The following CCNY variants were observed in gnomAD, a reference collection of about 807,000 sequenced individuals.
The protein encoded by CCNY is cyclin Y, also known as cyclin-Y.
CCNY carries 19 observed loss-of-function variants against 42.8 expected under a neutral mutation model. The ratio of observed to expected loss-of-function variants is 0.44; its 90% CI spans 0.31 to 0.65. The LOEUF is 0.65. Among genes scored for constraint, CCNY ranks in the 30% least tolerant of loss-of-function variants. The pLI, the probability that CCNY is intolerant of heterozygous loss-of-function variation, is 0.07. For missense variants in CCNY, 370 were observed against 437.3 expected (o/e 0.85, Z 1.37); for synonymous variants, 165 against 162.7 (o/e 1.01, Z -0.11).
chr10:35,393,176 A>G lies in CCNY; in HGVS notation c.154+55969A>G, dbSNP rs1490685327. 4.6e-5 allele frequency among the ~76,000 whole-genome samples: 7 copies of G among 152,218 alleles called. No homozygotes were observed. In the East Asian group the frequency reaches 1.2e-3, roughly 25 times the overall value. On this transcript the variant is annotated intron_variant, in intron 1 of 9. Coordinates refer to ENST00000374704, the MANE Select transcript of CCNY (RefSeq NM_145012.6). ...CAGTAGTCCTGGGAAAGTCTTCCTC[A>G]CCATTTTAATAAGCGTCAGAGTAAT...
intron 1 of CCNY, among the ~76,000 whole-genome samples, chr10:35,467,575 T>G (rs112135369): frequency 7.5e-4 from 115 of 152,372 alleles, no homozygotes; most frequent in South Asian, 2.9e-3. Context: ...TCTTATATTT[T>G]CTGTGTAGAG....
At chr10:35,335,060 ACCCCCACC>A (rs1477576978), upstream of CCNY, among the ~76,000 whole-genome samples, 1 of 112,472 alleles carries the variant, frequency 8.9e-6, no homozygotes, top group Non-Finnish European at 1.9e-5. Flanking sequence ...CCCAGCTCCC[ACCCCCACC>A]CCCCCACCCC....
intron 3 of CCNY, chr10:35,320,913 G>A (rs1435492256): frequency 6.6e-6 from 1 of 152,170 alleles, no homozygotes; most frequent in Non-Finnish European, 1.5e-5. Flanking sequence ...AGGCTGAGAA[G>A]GGAAGATCAC....
At position 35,337,295 on chromosome 10, in the gene CCNY, C is replaced by T. The variant is rs1490204895; in HGVS notation, c.154+88C>T. 33 of 1,314,248 alleles carry T rather than the reference C, an allele frequency of 2.5e-5. No individual in the cohort carries two copies. The Middle Eastern group carries it at 7.9e-4, about 32-fold the overall frequency. The allele number at this position is 1,314,248 out of a possible 1,614,324, so 81.4% of individuals were successfully genotyped here. ...GGGCGGCCCGGCTGCTCTTGCTTGC[C>T]CAGCCGGTCTCGGCGACCCGTGCAT... is the stretch of plus-strand genomic sequence containing the variant. On this transcript the variant is annotated intron_variant, in intron 1 of 9. Transcript: ENST00000374704.
intron 1 of CCNY, among the ~76,000 whole-genome samples, chr10:35,340,362 A>G (rs1200054233): frequency 1.3e-5 from 2 of 152,146 alleles, no homozygotes; most frequent in African/African-American, 2.4e-5. Context: ...GGATTAGATT[A>G]TTTCTGTGGG....
intron 1 of CCNY, among the ~76,000 whole-genome samples, chr10:35,477,774 G>A (rs894079683): frequency 3.3e-5 from 5 of 152,150 alleles, no homozygotes; most frequent in African/African-American, 1.2e-4. Context: ...CATAGTGTTG[G>A]AAGTTCTGGC....
chr10:35,364,948 T>A (rs1424819253), intron 1 of CCNY, among the ~76,000 whole-genome samples: 1 of 152,238 alleles, frequency 6.6e-6, no homozygotes, highest in African/African-American at 2.4e-5. Flanking sequence ...AAGCTCACCA[T>A]GTATATGCTT....
intron 1 of CCNY, among the ~76,000 whole-genome samples, chr10:35,375,579 A>G (rs1016598590): frequency 6.6e-6 from 1 of 152,172 alleles, no homozygotes; most frequent in Non-Finnish European, 1.5e-5. Context: ...TCTTGTTTGA[A>G]TTTTGTGGGG....
At chr10:35,515,694 T>G (rs1354061630) in intron 3 of CCNY, among the ~76,000 whole-genome samples, 1 of 152,220 alleles carries the variant, frequency 6.6e-6, no homozygotes, top group Non-Finnish European at 1.5e-5. Flanking sequence ...CTAGTTTGCT[T>G]TTGATCAGGA....
intron 3 of CCNY, among the ~76,000 whole-genome samples, chr10:35,308,015 C>T (rs1835634484): frequency 2.0e-5 from 3 of 151,396 alleles, no homozygotes; most frequent in Non-Finnish European, 4.4e-5. Context: ...CGGGGTTTCA[C>T]GATGTTGGGC....
intron 1 of CCNY, among the ~76,000 whole-genome samples, chr10:35,465,790 C>G (rs1482339306): frequency 6.6e-6 from 1 of 152,102 alleles, no homozygotes; most frequent in Non-Finnish European, 1.5e-5. Context: ...GAAATCTCAC[C>G]TGCTCTGTGC....
At chr10:35,428,232 T>C (rs1838311993) in intron 1 of CCNY, among the ~76,000 whole-genome samples, 1 of 152,022 alleles carries the variant, frequency 6.6e-6, no homozygotes, top group Non-Finnish European at 1.5e-5. Context: ...GCCACCCCAA[T>C]GAGTGGCAGG....
rs572377485 is a variant in CCNY, at chr10:35,523,584, G to A, written c.366-2380G>A. Among the ~76,000 whole-genome samples the A allele has an allele frequency of 3.3e-5, 5 of 152,306 alleles. No individual in the cohort carries two copies. In the East Asian group the frequency reaches 9.7e-4, roughly 29 times the overall value. On this transcript the variant is annotated intron_variant, in intron 4 of 9. Coordinates refer to ENST00000374704, the MANE Select transcript of CCNY (RefSeq NM_145012.6). ...CCTACAGAGTGGCTCTACTTTTCCTGGAGGTCTTAAGCCGTGATAATATCC... is the reference window on the plus strand; with the variant it reads ...CCTACAGAGTGGCTCTACTTTTCCTAGAGGTCTTAAGCCGTGATAATATCC...
At chr10:35,342,445 T>TA (rs1836203243) in intron 1 of CCNY, among the ~76,000 whole-genome samples, 1 of 152,190 alleles carries the variant, frequency 6.6e-6, no homozygotes, top group Non-Finnish European at 1.5e-5. Context: ...AAGTGCAGTT[T>TA]AAAGATTTGT....
chr10:35,348,657 A>G (rs1218963417), intron 1 of CCNY, among the ~76,000 whole-genome samples: 2 of 152,220 alleles, frequency 1.3e-5, no homozygotes, highest in East Asian at 3.8e-4. Flanking sequence ...CAGGGCTCTG[A>G]AAGCCCGGCA....
chr10:35,337,136 C>T lies in CCNY; in HGVS notation c.83C>T (p.Pro28Leu). The T allele has an allele frequency of 1.3e-6, 2 of 1,588,480 alleles. No individual in the cohort carries two copies. Among genetic ancestry groups the T allele is most frequent in the Non-Finnish European group, 1.7e-6 (2 of 1,169,598 alleles). ...NAHSRLESYR[P>L]DTDLSREDTG... ...CACTCCCGGCTGGAGTCCTACCGGC[C>T]AGACACGGACCTGAGCCGCGAGGAC... Residue 28 changes from proline to leucine, a missense_variant, in exon 1 of 10, where the codon CCA (proline) becomes CTA (leucine). By Grantham distance (98) the Pro-to-Leu change is moderately conservative. Around this residue, in one of 2 missense-constraint regions of CCNY, gnomAD observed 136 missense variants for 124.2 expected, o/e 1.09. Transcript: ENST00000374704.
chr10:35,315,904 TA>T (rs1193248151), intron 3 of CCNY, among the ~76,000 whole-genome samples: 1 of 152,222 alleles, frequency 6.6e-6, no homozygotes, highest in Non-Finnish European at 1.5e-5. Context: ...TTTCATCTTG[TA>T]AAACTGGAAT....
intron 3 of CCNY, among the ~76,000 whole-genome samples, chr10:35,325,334 A>G (rs776368995): frequency 1.1e-4 from 16 of 152,086 alleles, no homozygotes; most frequent in Admixed American, 2.6e-4. Context: ...GTGCGCCATC[A>G]CACCTGGCTA....
chr10:35,526,958 G>A (rs777990290), intron 5 of CCNY, among the ~76,000 whole-genome samples: 3 of 152,242 alleles, frequency 2.0e-5, no homozygotes, highest in Non-Finnish European at 4.4e-5. Flanking sequence ...CACATGCTAA[G>A]TGCAGAGCTC....
Sources: allele counts gnomAD v4.1 joint callset (sites outside exome capture counted in the v4.1 genomes callset), GRCh38; gene constraint gnomAD v4.1.1; regional missense constraint gnomAD v4.1.1; transcripts MANE v1.5; gene names NCBI Gene and HGNC (gene_info 2026-07-23, HGNC 2026-07-21).